Variants in P4HA3 observed in about 807,000 individuals in gnomAD.
P4HA3 encodes prolyl 4-hydroxylase subunit alpha 3, also known as prolyl 4-hydroxylase subunit alpha-3.
In P4HA3, 60 loss-of-function variants were observed where a neutral mutation model predicts 66.7. The ratio of observed to expected loss-of-function variants is 0.90; its 90% CI spans 0.73 to 1.12. The LOEUF (loss-of-function observed/expected upper bound fraction) is 1.12. P4HA3 is among the 50% of genes most tolerant of loss of function. P4HA3 has a pLI of 0.00. For synonymous variants in P4HA3, 263 were observed against 274.6 expected, an observed-to-expected ratio of 0.96 and a Z score of 0.42; for missense variants, 683 against 685.8, an observed-to-expected ratio of 1.00 and a Z score of 0.05.
intron 12 of P4HA3, among the ~76,000 whole-genome samples, chr11:74,267,936 T>C (rs899608692): frequency 2.6e-5 from 4 of 152,220 alleles, no homozygotes; most frequent in Admixed American, 1.3e-4. Context: ...AAACCTTTAC[T>C]GACTGTCACT....
At chr11:74,286,479 T>C in intron 5 of P4HA3, 88 bp from the exon 6 acceptor site, 1 of 1,284,580 alleles carries the variant, frequency 7.8e-7, no homozygotes, top group Non-Finnish European at 1.1e-6. Flanking sequence ...CCAGCTTCAC[T>C]GCTGCACAGG....
chr11:74,252,684 C>G (rs1298376261), intron 15 of P4HA3: 3 of 357,576 alleles, frequency 8.4e-6, no homozygotes, highest in Non-Finnish European at 1.7e-5. Context: ...ACAGTAGTAC[C>G]CCTCCCACAC....
rs992991022 is a variant in P4HA3 at position 74,266,719 on chromosome 11, G to A, written c.*529C>T. 4 of 216,796 alleles carry A rather than the reference G, an allele frequency of 1.8e-5. No homozygotes were observed. Among genetic ancestry groups the A allele is most frequent in the African/African-American group, 9.1e-5 (4 of 43,852 alleles). The allele number at this position is 216,796 out of a possible 1,614,324, so 13.4% of individuals were successfully genotyped here. On this transcript the variant is annotated 3_prime_UTR_variant, in exon 13 of 13. Transcript: ENST00000331597. ...CATCATACAAAAAGAAAAGAAAGTT[G>A]TTTTCAACTTAAAAAAAATCCTTAT...
At chr11:74,269,625 G>A (rs373468770) in intron 11 of P4HA3, 27 bp downstream of exon 11, 53 of 1,605,940 alleles carry the variant, frequency 3.3e-5, no homozygotes, top group East Asian at 6.7e-5. Flanking sequence ...CCTCAACCCC[G>A]TCTTCTGGGA....
intron 3 of P4HA3, among the ~76,000 whole-genome samples, chr11:74,301,261 CT>C (rs1375628424): frequency 1.3e-5 from 2 of 151,882 alleles, no homozygotes; most frequent in African/African-American, 4.8e-5. Flanking sequence ...GAAAAGTTTT[CT>C]CTCTCAAAAT....
intron 15 of P4HA3, chr11:74,252,545 G>A (rs1859730327): frequency 4.4e-6 from 2 of 454,736 alleles, no homozygotes; most frequent in African/African-American, 2.0e-5. Context: ...GGGTGATCCT[G>A]GAAGCTCTAG....
chr11:74,262,517 T>C (rs1370863985), downstream of P4HA3, among the ~76,000 whole-genome samples: 1 of 152,082 alleles, frequency 6.6e-6, no homozygotes, highest in Admixed American at 6.5e-5. Context: ...GGGGAGACTT[T>C]CCCCCAAGCT....
At chr11:74,287,597 GT>G (rs1860843491) in intron 5 of P4HA3, among the ~76,000 whole-genome samples, 1 of 152,148 alleles carries the variant, frequency 6.6e-6, no homozygotes, top group Non-Finnish European at 1.5e-5. Flanking sequence ...TTATCCTATT[GT>G]TTGCTAATTA....
Position 74,267,246 on chromosome 11 carries a change from G to T in P4HA3, c.*2C>A, listed in dbSNP as rs1013986032. 2 of 1,614,176 alleles carry T rather than the reference G, an allele frequency of 1.2e-6. No individual in the cohort carries two copies. The highest frequency in any genetic ancestry group is 1.7e-6 in the Non-Finnish European group (2 of 1,180,038). ...CTCCACCAGCTTCTCTCTGCCAACA[G>T]TTCAGTCTTCAGGGCTGGAGCTGCA... is the stretch of plus-strand genomic sequence containing the variant. On this transcript the variant is annotated 3_prime_UTR_variant, in exon 13 of 13. Coordinates refer to ENST00000331597, the MANE Select transcript of P4HA3 (RefSeq NM_182904.5).
intron 7 of P4HA3, chr11:74,285,533 C>T: frequency 3.1e-6 from 1 of 318,656 alleles, no homozygotes. Context: ...CAAATGCATA[C>T]AGCCACATGT....
chr11:74,300,433 C>T (rs7949957), intron 3 of P4HA3, among the ~76,000 whole-genome samples: 4,441 of 152,080 alleles, frequency 0.029, 67 homozygotes, highest in African/African-American at 0.038. Context: ...GAGTTCAAGA[C>T]CATCCCGGGC....
intron 1 of P4HA3, among the ~76,000 whole-genome samples, chr11:74,309,288 TGAGA>T (rs1861657393): frequency 1.3e-5 from 2 of 152,206 alleles, no homozygotes; most frequent in Admixed American, 6.5e-5. Context: ...GCATTGTGTG[TGAGA>T]GAGAATCAGA....
intron 2 of P4HA3, among the ~76,000 whole-genome samples, 161 bp downstream of exon 2, chr11:74,304,109 A>C (rs1252580535): frequency 6.6e-6 from 1 of 152,236 alleles, no homozygotes; most frequent in Non-Finnish European, 1.5e-5. Flanking sequence ...ACTGATTAGC[A>C]AGCGGGCCTA....
chr11:74,266,922 C>T lies in P4HA3; in HGVS notation c.*326G>A. On this transcript the variant is annotated 3_prime_UTR_variant, in exon 13 of 13. Coordinates refer to ENST00000331597, the MANE Select transcript of P4HA3 (RefSeq NM_182904.5). The stretch of plus-strand genomic sequence containing the variant: ...GTCAAGGTTCAAAGTGCCAAAAGAC[C>T]CACTGATCGAACCTGAGACTGTTGA... 1.6e-6 allele frequency: 2 copies of T among 1,223,178 alleles called. No individual in the cohort carries two copies. The highest frequency in any genetic ancestry group is 2.2e-6 in the Non-Finnish European group (2 of 905,778). The allele number at this position is 1,223,178 out of a possible 1,614,324, so 75.8% of individuals were successfully genotyped here. A position where few individuals can be genotyped will look rare whatever the true frequency, so the allele number is the denominator to read the frequency against.
chr11:74,253,867 C>A (rs952886218), intron 15 of P4HA3: 10 of 389,090 alleles, frequency 2.6e-5, no homozygotes, highest in African/African-American at 6.1e-5. Flanking sequence ...CAAATGTCTT[C>A]CCAGGCTCAG....
At chr11:74,305,807 A>T (rs2134830133) in intron 1 of P4HA3, among the ~76,000 whole-genome samples, 1 of 152,322 alleles carries the variant, frequency 6.6e-6, no homozygotes, top group South Asian at 2.1e-4. Context: ...AGAAAGAATG[A>T]AGTATACTCT....
At chr11:74,255,389 CCCT>C (rs140045375) in intron 15 of P4HA3, among the ~76,000 whole-genome samples, 2,766 of 152,276 alleles carry the variant, frequency 0.018, 80 homozygotes, top group African/African-American at 0.063. Context: ...ACCTTTGCTG[CCCT>C]CCTCCCCCCT....
intron 9 of P4HA3, among the ~76,000 whole-genome samples, chr11:74,274,222 T>C (rs1367316587): frequency 6.6e-6 from 1 of 152,128 alleles, no homozygotes; most frequent in Non-Finnish European, 1.5e-5. Flanking sequence ...TAGCATTCCA[T>C]TGTGCAGATA....
chr11:74,250,857 G>C (rs987727447), intron 15 of P4HA3: 1 of 997,554 alleles, frequency 1.0e-6, no homozygotes, highest in East Asian at 2.6e-5. Flanking sequence ...GGTTGGAAAT[G>C]GGGAGGTAGG....
Sources: allele counts gnomAD v4.1 joint callset (sites outside exome capture counted in the v4.1 genomes callset), GRCh38; gene constraint gnomAD v4.1.1; transcripts MANE v1.5; gene names NCBI Gene and HGNC (gene_info 2026-07-23, HGNC 2026-07-21).